The following MAD1L1 variants were observed in gnomAD, a reference collection of about 807,000 sequenced individuals.
MAD1L1 encodes mitotic spindle assembly checkpoint protein MAD1.
In MAD1L1, 95 loss-of-function variants were observed where a neutral mutation model predicts 96.9. The observed-to-expected ratio is 0.98, with a 90% confidence interval of 0.83 to 1.16. The LOEUF is 1.16. Ranked by LOEUF, MAD1L1 falls within the 50% of genes most tolerant of loss-of-function variation. The pLI, the probability that MAD1L1 is intolerant of heterozygous loss-of-function variation, is 0.00. For synonymous variants in MAD1L1, 473 were observed against 396.6 expected (o/e 1.19, Z -2.29); for missense variants, 1,007 against 954.4 (o/e 1.06, Z -0.73).
chr7:2,150,472 C>T (rs1789519016), intron 10 of MAD1L1, among the ~76,000 whole-genome samples: 1 of 152,166 alleles, frequency 6.6e-6, no homozygotes, highest in African/African-American at 2.4e-5. Context: ...ATCAGCTCAT[C>T]CAGCGCTCAC....
At chr7:2,129,014 G>A (rs1202921695) in intron 11 of MAD1L1, among the ~76,000 whole-genome samples, 1 of 152,234 alleles carries the variant, frequency 6.6e-6, no homozygotes, top group East Asian at 1.9e-4. Flanking sequence ...TGCTGGCGCT[G>A]ACCAACTGGG....
At chr7:1,876,676 C>T (rs983738412) in intron 18 of MAD1L1, among the ~76,000 whole-genome samples, 7 of 151,092 alleles carry the variant, frequency 4.6e-5, no homozygotes, top group African/African-American at 1.7e-4. Context: ...CAAACAGAAA[C>T]CAAACCAAAA....
intron 13 of MAD1L1, among the ~76,000 whole-genome samples, chr7:2,003,559 CCAGGTGCTCCCGTGGAGGCTG>C (rs910182401): frequency 2.6e-5 from 4 of 152,112 alleles, no homozygotes; most frequent in Admixed American, 2.6e-4. Flanking sequence ...AACCCAGGCT[CCAGGTGCTCCCGTGGAGGCTG>C]CAGGTGTGAG....
intron 11 of MAD1L1, among the ~76,000 whole-genome samples, chr7:2,093,244 CAAAAA>C (rs10654575): frequency 9.9e-6 from 1 of 101,048 alleles, no homozygotes; most frequent in Non-Finnish European, 1.8e-5. Flanking sequence ...GACTCCGTGT[CAAAAA>C]AAAAAAAAAA....
chr7:1,903,052 G>A (rs1178123837), intron 17 of MAD1L1, among the ~76,000 whole-genome samples: 2 of 150,902 alleles, frequency 1.3e-5, no homozygotes, highest in African/African-American at 2.4e-5. Flanking sequence ...AGTGGCCTAT[G>A]GAAGACACTC....
intron 10 of MAD1L1, among the ~76,000 whole-genome samples, chr7:2,185,761 G>A (rs1791429984): frequency 6.6e-6 from 1 of 152,152 alleles, no homozygotes. Context: ...CGGTCAGGGT[G>A]AGGAGAGAAA....
chr7:1,918,865 A>G (rs1328147754), intron 17 of MAD1L1, among the ~76,000 whole-genome samples: 5 of 112,556 alleles, frequency 4.4e-5, no homozygotes, highest in African/African-American at 1.7e-4. Context: ...TCCTGGCCCC[A>G]GCCCCCCTCC....
intron 17 of MAD1L1, among the ~76,000 whole-genome samples, chr7:1,900,000 T>C (rs1323206295): frequency 1.3e-5 from 2 of 152,130 alleles, no homozygotes; most frequent in Non-Finnish European, 2.9e-5. Context: ...GACTTCTGCC[T>C]GCAACACGGA....
intron 12 of MAD1L1, among the ~76,000 whole-genome samples, chr7:2,038,622 C>A (rs1783547202): frequency 6.7e-6 from 1 of 149,818 alleles, no homozygotes. Flanking sequence ...AAGCAATTCT[C>A]CTGCCTCAGC....
intron 11 of MAD1L1, among the ~76,000 whole-genome samples, chr7:2,140,723 C>T (rs946353500): frequency 9.2e-5 from 14 of 152,374 alleles, no homozygotes; most frequent in Admixed American, 9.1e-4. Context: ...CAGTTGCCTT[C>T]CCCCAGTCCC....
intron 11 of MAD1L1, chr7:2,079,761 A>G: frequency 2.1e-6 from 1 of 470,904 alleles, no homozygotes. Context: ...GCACGGCCGC[A>G]GGGAGACCAT....
At position 2,062,542 on chromosome 7, in the gene MAD1L1, T is replaced by C. The variant is rs578137787; in HGVS notation, c.1218+6652A>G. Among the ~76,000 whole-genome samples the C allele has an allele frequency of 7.4e-4, 113 of 151,978 alleles. 1 individual carries two copies. The highest frequency in any genetic ancestry group is 4.4e-5 in the Non-Finnish European group (3 of 67,968). On this transcript the variant is annotated intron_variant, in intron 12 of 18. Transcript: ENST00000265854. ...GTGAGCCGAGATCACGCGACTGCAC[T>C]CCAGCCTGGGCAACAAAGAGAGACT... is the stretch of plus-strand genomic sequence containing the variant.
intron 10 of MAD1L1, among the ~76,000 whole-genome samples, chr7:2,206,642 A>G (rs1301548250): frequency 1.3e-5 from 2 of 152,248 alleles, no homozygotes; most frequent in Non-Finnish European, 2.9e-5. Flanking sequence ...CCTGATTTAC[A>G]TGTCTATACT....
chr7:2,057,191 A>G (rs961851194), intron 12 of MAD1L1, among the ~76,000 whole-genome samples: 1 of 152,206 alleles, frequency 6.6e-6, no homozygotes, highest in African/African-American at 2.4e-5. Flanking sequence ...TGTTTTCCAC[A>G]GCACCTAAAT....
intron 18 of MAD1L1, among the ~76,000 whole-genome samples, chr7:1,897,707 G>A (rs918297956): frequency 2.6e-5 from 4 of 152,244 alleles, no homozygotes; most frequent in African/African-American, 4.8e-5. Context: ...CGCAGGACGC[G>A]AGTGTAGAGA....
At chr7:1,837,951 T>G (rs1583508684) in intron 18 of MAD1L1, among the ~76,000 whole-genome samples, 1 of 152,218 alleles carries the variant, frequency 6.6e-6, no homozygotes, top group Non-Finnish European at 1.5e-5. Flanking sequence ...CGGGGGCAGG[T>G]CCAGCTGTCA....
chr7:1,950,366 C>G lies in MAD1L1; in HGVS notation c.1596+7263G>C, dbSNP rs1471510782. On this transcript the variant is annotated intron_variant, in intron 16 of 18. Coordinates refer to ENST00000265854, the MANE Select transcript of MAD1L1 (RefSeq NM_001013836.2). ...CCCTCCTGCACGTCCCGCGCCACCT[C>G]GAGGCCCGCAAGCCCTCATGAAAGC... Among the ~76,000 whole-genome samples, 3 of 152,216 alleles carry G rather than the reference C, an allele frequency of 2.0e-5. No individual in the cohort carries two copies. The South Asian group carries it at 6.2e-4, about 31-fold the overall frequency.
intron 17 of MAD1L1, among the ~76,000 whole-genome samples, chr7:1,904,241 GA>G (rs11352776): frequency 0.032 from 4,585 of 143,560 alleles, 218 homozygotes; most frequent in African/African-American, 0.093. Flanking sequence ...AGCTCTTGCG[GA>G]ACTCATGATT....
chr7:2,214,498 A>G (rs550573423), intron 9 of MAD1L1, among the ~76,000 whole-genome samples: 1 of 152,272 alleles, frequency 6.6e-6, no homozygotes, highest in Non-Finnish European at 1.5e-5. Flanking sequence ...GGACTCTGGA[A>G]GTGGCCAGCT....
Sources: gnomAD v4.1 joint callset for allele counts (sites outside exome capture counted in the v4.1 genomes callset) on GRCh38, gnomAD v4.1.1 for gene constraint, MANE v1.5 for transcripts, NCBI Gene and HGNC (gene_info 2026-07-23, HGNC 2026-07-21) for gene names.